TEP1: variants seen among roughly 807,000 people sequenced by gnomAD.
The protein encoded by TEP1 is telomerase associated protein 1.
In TEP1, 241 loss-of-function variants were observed where a neutral mutation model predicts 306.3. That is an observed-to-expected ratio of 0.79 (90% CI 0.71 to 0.88). The LOEUF is 0.88. Among genes scored for constraint, TEP1 ranks in the 40% least tolerant of loss-of-function variants. The pLI is 0.00. For missense variants in TEP1, 3,051 were observed against 3,276.1 expected, an observed-to-expected ratio of 0.93 and a Z score of 1.68; for synonymous variants, 1,289 against 1,305.5, an observed-to-expected ratio of 0.99 and a Z score of 0.27.
In TEP1 at chr14:20,391,599, C is replaced by A; in HGVS notation, c.2097G>T (p.Gly699=). The change falls in exon 13 of 55, where the codon GGG becomes GGT. Residue 699 remains glycine (G), a splice_region_variant and synonymous_variant. Coordinates refer to ENST00000262715, the MANE Select transcript of TEP1 (RefSeq NM_007110.5). The stretch of plus-strand genomic sequence containing the variant: ...TGGAGGATGCTTTTTGTTTTCTTAC[C>A]CCTTGTGGGTTGCTCTTTGGACAGA... ...DRLCPKSNPQ[G]PPLNYALLLI... The A allele has an allele frequency of 1.2e-6, 2 of 1,610,912 alleles. No homozygotes were observed. The highest frequency in any genetic ancestry group is 1.3e-5 in the African/African-American group (1 of 74,912).
intron 37 of TEP1, 93 bp downstream of exon 37, chr14:20,378,661 G>A (rs1279233537): frequency 1.3e-6 from 2 of 1,578,380 alleles, no homozygotes; most frequent in Non-Finnish European, 1.7e-6. Context: ...TCTGGCCAGG[G>A]AGTCAGCAGC....
At chr14:20,376,364 C>T in intron 41 of TEP1, 100 bp from the exon 42 acceptor site, 1 of 1,248,606 alleles carries the variant, frequency 8.0e-7, no homozygotes, top group East Asian at 2.4e-5. Flanking sequence ...CTGAGGGTGA[C>T]ACCTGAGGCT....
At position 20,374,362 on chromosome 14, in the gene TEP1, C is replaced by A. The variant is rs757182106; in HGVS notation, c.6471+67G>T. The stretch of plus-strand genomic sequence containing the variant: ...TGCCTCTGGGATTAGATACTCCATG[C>A]ACCGTCTCCCAAAGCCCCCTTAGCC... On this transcript the variant is annotated intron_variant, in intron 44 of 54. Coordinates refer to ENST00000262715, the MANE Select transcript of TEP1 (RefSeq NM_007110.5). The A allele has an allele frequency of 7.2e-6, 8 of 1,105,068 alleles. No individual in the cohort carries two copies. The South Asian group carries it at 1.1e-4, about 16-fold the overall frequency. 68.5% of individuals were successfully genotyped at this position (1,105,068 alleles called of 1,614,324 possible).
In TEP1 at chr14:20,381,028, A is replaced by G. The variant is rs1032233863; in HGVS notation, c.4665T>C (p.Arg1555=). The change falls in exon 33 of 55, where the codon CGT becomes CGC. Residue 1555 remains arginine, a synonymous_variant. Coordinates refer to ENST00000262715, the MANE Select transcript of TEP1 (RefSeq NM_007110.5). The surrounding 1 kb of genome is among the most constrained non-coding windows in gnomAD (Gnocchi z 4.0). ...LPYHLLQSGN[R]GLLSKFLTNL... Reference sequence around the variant, plus strand: ...TGGTAAGGAACTTCGAAAGAAGTCCACGGTTCCCGCTCTGGAGCTGAGAAG... The same window carrying G: ...TGGTAAGGAACTTCGAAAGAAGTCCGCGGTTCCCGCTCTGGAGCTGAGAAG... The G allele has an allele frequency of 4.6e-5, 75 of 1,613,986 alleles. No homozygotes were observed. The highest frequency in any genetic ancestry group is 6.0e-5 in the Non-Finnish European group (71 of 1,179,966).
intron 1 of TEP1, among the ~76,000 whole-genome samples, chr14:20,412,894 A>G (rs1027632692): frequency 6.6e-6 from 1 of 151,938 alleles, no homozygotes; most frequent in Non-Finnish European, 1.5e-5. Flanking sequence ...TCCTGACCTC[A>G]GGTGATCCCC....
At chr14:20,407,154 T>C (rs1325958200) in intron 2 of TEP1, among the ~76,000 whole-genome samples, 1 of 152,210 alleles carries the variant, frequency 6.6e-6, no homozygotes, top group African/African-American at 2.4e-5. Context: ...CATGTAGATG[T>C]GTAAAAGTGG....
intron 1 of TEP1, among the ~76,000 whole-genome samples, chr14:20,410,630 C>A (rs374352367): frequency 1.2e-4 from 17 of 145,344 alleles, no homozygotes; most frequent in African/African-American, 4.4e-4. Flanking sequence ...TAGTAAGAGA[C>A]AGGGTTCCAC....
In TEP1 at chr14:20,385,000, T is replaced by C; in HGVS notation, c.3092A>G (p.Asp1031Gly). The C allele has an allele frequency of 1.2e-6, 2 of 1,614,208 alleles. No homozygotes were observed. The highest frequency in any genetic ancestry group is 8.5e-7 in the Non-Finnish European group (1 of 1,180,040). The change falls in exon 21 of 55, where the codon GAT (aspartate) becomes GGT (glycine). Residue 1031 changes from aspartate (D) to glycine (G), a missense_variant. Physicochemically the swap from Asp to Gly is moderately conservative, Grantham distance 94. Around this residue, in one of 3 missense-constraint regions of TEP1, gnomAD observed 1,507 missense variants for 1,550.5 expected, o/e 0.97. Transcript: ENST00000262715. ...PSAQALIYFR[D>G]SSFLSSVPDA... ...CAGACAGTACCTGAGGAAGCTGGAA[T>C]CCCGGAAGTAGATGAGAGCTTGGGC...
intron 7 of TEP1, among the ~76,000 whole-genome samples, chr14:20,401,892 G>C (rs1257483861): frequency 6.6e-6 from 1 of 152,088 alleles, no homozygotes; most frequent in Non-Finnish European, 1.5e-5. Flanking sequence ...GTAGAGGAGG[G>C]GAAAGGGAAA....
rs778102552 is a variant in TEP1, at chr14:20,407,871, AC to A, written c.567+1del. On this transcript the variant is annotated splice_donor_variant, in intron 2 of 54. Transcript: ENST00000262715. LOFTEE classifies it high-confidence loss of function. ...GTCAAGATGAGTGCCTGGAGCTATT[AC>A]CAAAGTTGCTTCCTGAGCTGTCTCT... 3.8e-6 allele frequency: 6 copies of A among 1,586,420 alleles called. No homozygotes were observed. The highest frequency in any genetic ancestry group is 5.1e-6 in the Non-Finnish European group (6 of 1,166,112).
Position 20,382,800 on chromosome 14 carries a change from C to T in TEP1, c.4048-85G>A, listed in dbSNP as rs1362212237. ...CCCCAGCACCAGCCCCTCTGCCAGG[C>T]AGCTCCTCCTCTGAGAGTCCCCAGC... On this transcript the variant is annotated intron_variant, in intron 27 of 54. Transcript: ENST00000262715. The T allele has an allele frequency of 4.6e-6, 6 of 1,293,988 alleles. No homozygotes were observed. In the East Asian group the frequency reaches 1.2e-4, roughly 25 times the overall value. The allele number at this position is 1,293,988 out of a possible 1,614,324, so 80.2% of individuals were successfully genotyped here.
chr14:20,386,910 C>G (rs562602902), intron 18 of TEP1, among the ~76,000 whole-genome samples: 1 of 152,144 alleles, frequency 6.6e-6, no homozygotes, highest in East Asian at 1.9e-4. Context: ...CTATCATTAT[C>G]TCCATTTTAG....
At chr14:20,407,814 A>G (rs1713438) in intron 2 of TEP1, 59 bp downstream of exon 2, 40,992 of 1,399,456 alleles carry the variant, frequency 0.029, 727 homozygotes, top group African/African-American at 0.078. Context: ...ACTGAAAGCT[A>G]GAGACAAGAG....
intron 10 of TEP1, 54 bp from the exon 11 acceptor site, chr14:20,396,003 G>A (rs1306986136): frequency 1.5e-6 from 2 of 1,377,242 alleles, no homozygotes; most frequent in Non-Finnish European, 1.0e-6. Flanking sequence ...AGTATGGGGG[G>A]CTTCAGGGGT....
At chr14:20,391,481 T>C in intron 13 of TEP1, 118 bp downstream of exon 13, 1 of 1,196,468 alleles carries the variant, frequency 8.4e-7, no homozygotes, top group Non-Finnish European at 1.2e-6. Context: ...CAAATTCATA[T>C]CATTTATTTC....
At chr14:20,375,981 G>C in intron 42 of TEP1, 113 bp from the exon 43 acceptor site, 4 of 1,485,550 alleles carry the variant, frequency 2.7e-6, no homozygotes, top group Non-Finnish European at 3.7e-6. Flanking sequence ...AGCACAGGCA[G>C]ACAGATCTAT....
chr14:20,377,780 A>G (rs777754408), intron 39 of TEP1, 27 bp from the exon 40 acceptor site: 1 of 1,610,574 alleles, frequency 6.2e-7, no homozygotes, highest in Admixed American at 1.7e-5. Flanking sequence ...GGGCTTAAGG[A>G]TACCACCTCC....
Position 20,410,799 on chromosome 14 carries a change from GTGGTTTTTTTT to G in TEP1, c.-24-2347_-24-2337del, listed in dbSNP as rs1205191008. On this transcript the variant is annotated intron_variant, in intron 1 of 54. Transcript: ENST00000262715. ...CCCACTTGCTAATTGTTTCTCCTTTGTGGTTTTTTTTTTTTTTTTTTTTTTTTTGCTTTTTG... is the reference window on the plus strand; with the variant it reads ...CCCACTTGCTAATTGTTTCTCCTTTGTTTTTTTTTTTTTTTTTGCTTTTTG... 3.6e-3 allele frequency among the ~76,000 whole-genome samples: 418 copies of G among 115,380 alleles called. 3 individuals carry two copies. Among genetic ancestry groups the G allele is most frequent in the South Asian group, 6.6e-3 (25 of 3,806 alleles). 75.7% of individuals were successfully genotyped at this position (115,380 alleles called of 152,430 possible).
At chr14:20,382,858 C>G in intron 27 of TEP1, 143 bp from the exon 28 acceptor site, 1 of 781,870 alleles carries the variant, frequency 1.3e-6, no homozygotes, top group African/African-American at 1.7e-5. Flanking sequence ...TCCCAGGACA[C>G]AAACCATCCC....
Sources: gnomAD v4.1 joint callset for allele counts (sites outside exome capture counted in the v4.1 genomes callset) on GRCh38, gnomAD v4.1.1 for gene constraint, gnomAD v4.1.1 regional missense constraint, Gnocchi (gnomAD v3.1) non-coding constraint, MANE v1.5 for transcripts, NCBI Gene and HGNC (gene_info 2026-07-23, HGNC 2026-07-21) for gene names.